KLHL32: variants seen among roughly 807,000 people sequenced by gnomAD.
KLHL32 encodes the protein kelch-like protein 32.
Under a neutral mutation model 64.8 loss-of-function variants are expected in KLHL32, and 35 were observed. The ratio of observed to expected loss-of-function variants is 0.54; its 90% CI spans 0.41 to 0.72. The LOEUF is 0.72. Among genes scored for constraint, KLHL32 ranks in the 30% least tolerant of loss-of-function variants. The pLI is 0.00. For missense variants in KLHL32, 589 were observed against 768.5 expected, an observed-to-expected ratio of 0.77 and a Z score of 2.76; for synonymous variants, 259 against 281.0, an observed-to-expected ratio of 0.92 and a Z score of 0.78.
At chr6:97,040,999 A>G (rs1562271176) in intron 3 of KLHL32, among the ~76,000 whole-genome samples, 1 of 152,160 alleles carries the variant, frequency 6.6e-6, no homozygotes, top group Non-Finnish European at 1.5e-5. Context: ...TTTCCTTTAT[A>G]AGTCACCTAG....
chr6:97,043,164 C>T (rs1441703457), intron 4 of KLHL32, among the ~76,000 whole-genome samples: 2 of 152,166 alleles, frequency 1.3e-5, no homozygotes, highest in African/African-American at 2.4e-5. Context: ...AAACCTCTTT[C>T]TTATATAAGT....
chr6:97,002,038 A>G (rs6902367), intron 3 of KLHL32, among the ~76,000 whole-genome samples: 23,911 of 152,164 alleles, frequency 0.16, 2,141 homozygotes, highest in East Asian at 0.38. Flanking sequence ...GGAACCTGAG[A>G]AGTCCTTGGA....
chr6:97,027,146 A>T (rs1251085799), intron 3 of KLHL32, among the ~76,000 whole-genome samples: 1 of 145,220 alleles, frequency 6.9e-6, no homozygotes, highest in East Asian at 2.1e-4. Flanking sequence ...TGGGCAACAG[A>T]GGGAGATTCC....
chr6:97,013,167 C>T (rs1463712699), intron 3 of KLHL32, among the ~76,000 whole-genome samples: 1 of 152,134 alleles, frequency 6.6e-6, no homozygotes, highest in Non-Finnish European at 1.5e-5. Context: ...AAATAACATT[C>T]CTTGTACTTT....
chr6:97,070,281 G>A (rs1790499711), intron 5 of KLHL32, among the ~76,000 whole-genome samples: 1 of 152,296 alleles, frequency 6.6e-6, no homozygotes, highest in African/African-American at 2.4e-5. Context: ...ATCAAAAAGG[G>A]TGGAAATGTA....
At chr6:97,040,004 C>T (rs1287639672) in intron 3 of KLHL32, among the ~76,000 whole-genome samples, 1 of 151,248 alleles carries the variant, frequency 6.6e-6, no homozygotes, top group Non-Finnish European at 1.5e-5. Flanking sequence ...GAAATATGTA[C>T]ATTCCTTAGG....
chr6:97,037,934 T>G (rs1399494251), intron 3 of KLHL32, among the ~76,000 whole-genome samples: 3 of 152,204 alleles, frequency 2.0e-5, no homozygotes, highest in African/African-American at 7.2e-5. Context: ...GCCAGTCTTT[T>G]TAATACATGG....
rs760425667 is a variant in KLHL32 at position 96,975,983 on chromosome 6, G to A, written c.24-14G>A. 44 of 1,511,922 alleles carry A rather than the reference G, an allele frequency of 2.9e-5. No homozygotes were observed. The highest frequency in any genetic ancestry group is 3.9e-5 in the Non-Finnish European group (44 of 1,122,000). 93.7% of individuals were successfully genotyped at this position (1,511,922 alleles called of 1,614,324 possible). A position where few individuals can be genotyped will look rare whatever the true frequency, so the allele number is the denominator to read the frequency against. ...GAAAAGGAAAAATGTTGACTTGATT[G>A]CTCTCCTTTGTAGTATTCAAGAAAT... On this transcript the variant is annotated splice_polypyrimidine_tract_variant and intron_variant, in intron 2 of 10. Transcript: ENST00000369261.
chr6:97,000,737 A>G (rs1001880455), intron 3 of KLHL32, among the ~76,000 whole-genome samples: 5 of 152,330 alleles, frequency 3.3e-5, no homozygotes, highest in East Asian at 1.9e-4. Context: ...ACTCAAAAAC[A>G]TTCTCTAAAA....
intron 3 of KLHL32, among the ~76,000 whole-genome samples, chr6:97,040,480 G>C (rs1408478750): frequency 2.0e-5 from 3 of 152,278 alleles, no homozygotes; most frequent in East Asian, 3.9e-4. Context: ...ATTCAAGTGG[G>C]CATGAGAGTC....
chr6:96,994,435 G>A, intron 3 of KLHL32: 1 of 904,984 alleles, frequency 1.1e-6, no homozygotes, highest in Non-Finnish European at 1.3e-6. Context: ...TCCTTTTAGT[G>A]TGATATGTTC....
intron 7 of KLHL32, among the ~76,000 whole-genome samples, chr6:97,115,502 T>A (rs770233418): frequency 6.6e-6 from 1 of 152,206 alleles, no homozygotes; most frequent in African/African-American, 2.4e-5. Context: ...ATGAACCCCA[T>A]GTACCCACAA....
At chr6:97,082,232 C>T (rs1024735487) in intron 5 of KLHL32, among the ~76,000 whole-genome samples, 1 of 152,080 alleles carries the variant, frequency 6.6e-6, no homozygotes, top group Admixed American at 6.5e-5. Context: ...GGAATGTAGG[C>T]CAGCTTTTGG....
chr6:97,123,122 TA>T lies in KLHL32; in HGVS notation c.1355-4272del, dbSNP rs935423952. Among the ~76,000 whole-genome samples, 25 of 149,918 alleles carry T rather than the reference TA, an allele frequency of 1.7e-4. No homozygotes were observed. In the East Asian group the frequency reaches 2.3e-3, roughly 14 times the overall value. ...TACCAACAGAGGTATTTTTTGTCGT[TA>T]AAAAAAAAATTAGCAGAGCCATCAG... On this transcript the variant is annotated intron_variant, in intron 7 of 10. Coordinates refer to ENST00000369261, the MANE Select transcript of KLHL32 (RefSeq NM_052904.4).
At chr6:97,029,839 G>A (rs1415076370) in intron 3 of KLHL32, among the ~76,000 whole-genome samples, 1 of 152,200 alleles carries the variant, frequency 6.6e-6, no homozygotes, top group African/African-American at 2.4e-5. Flanking sequence ...TGAGCAAAAT[G>A]TAATCTTTGT....
chr6:96,985,103 A>G (rs1776848986), intron 3 of KLHL32, among the ~76,000 whole-genome samples: 1 of 152,072 alleles, frequency 6.6e-6, no homozygotes, highest in East Asian at 1.9e-4. Context: ...CTTGTCTGTA[A>G]CAGATTTTAT....
chr6:96,978,809 A>AT (rs1382344207), intron 3 of KLHL32, among the ~76,000 whole-genome samples: 2 of 151,930 alleles, frequency 1.3e-5, no homozygotes, highest in Non-Finnish European at 2.9e-5. Context: ...ATCATCTGCT[A>AT]TTTTTTTACT....
At chr6:97,091,423 T>A (rs1794203683) in intron 6 of KLHL32, among the ~76,000 whole-genome samples, 1 of 152,210 alleles carries the variant, frequency 6.6e-6, no homozygotes, top group South Asian at 2.1e-4. Context: ...CCCAGCCATG[T>A]CCTGTGGGGT....
intron 4 of KLHL32, among the ~76,000 whole-genome samples, chr6:97,050,573 G>A (rs1313195590): frequency 6.6e-6 from 1 of 152,144 alleles, no homozygotes; most frequent in African/African-American, 2.4e-5. Context: ...GGTGGGGCTT[G>A]AAAGCCATCC....
Sources: allele counts gnomAD v4.1 joint callset (sites outside exome capture counted in the v4.1 genomes callset), GRCh38; gene constraint gnomAD v4.1.1; transcripts MANE v1.5; gene names NCBI Gene and HGNC (gene_info 2026-07-23, HGNC 2026-07-21).